The following SLC24A3 variants were observed in gnomAD, a reference collection of about 807,000 sequenced individuals.
SLC24A3 encodes sodium/potassium/calcium exchanger 3.
A neutral mutation model predicts 75.8 loss-of-function variants in SLC24A3; 28 were observed. The ratio of observed to expected loss-of-function variants is 0.37; its 90% CI spans 0.27 to 0.51. The LOEUF (loss-of-function observed/expected upper bound fraction) is 0.51, where lower values mean the gene tolerates loss of function less well. Among genes scored for constraint, SLC24A3 ranks in the 20% least tolerant of loss-of-function variants. The pLI is 0.94. For missense variants in SLC24A3, 663 were observed against 847.8 expected, an observed-to-expected ratio of 0.78 and a Z score of 2.71; for synonymous variants, 372 against 334.1, an observed-to-expected ratio of 1.11 and a Z score of -1.24.
At chr20:19,554,697 C>T (rs1400962570) in intron 3 of SLC24A3, among the ~76,000 whole-genome samples, 2 of 152,190 alleles carry the variant, frequency 1.3e-5, no homozygotes, top group African/African-American at 4.8e-5. Context: ...CCTTCCTTTC[C>T]CCCACCCAGA....
chr20:19,596,607 C>T (rs1568667567), intron 6 of SLC24A3, among the ~76,000 whole-genome samples: 1 of 152,144 alleles, frequency 6.6e-6, no homozygotes, highest in Non-Finnish European at 1.5e-5. Context: ...CCTGCCCAAC[C>T]TCCTGAGCCG....
chr20:19,593,988 G>A (rs1172377596), intron 6 of SLC24A3, among the ~76,000 whole-genome samples: 1 of 152,136 alleles, frequency 6.6e-6, no homozygotes, highest in East Asian at 1.9e-4. Context: ...CCTAGCCTTA[G>A]CACAGAGACC....
At chr20:19,570,989 A>G (rs1038729262) in intron 3 of SLC24A3, among the ~76,000 whole-genome samples, 2 of 152,154 alleles carry the variant, frequency 1.3e-5, no homozygotes, top group Non-Finnish European at 2.9e-5. Flanking sequence ...GGTAGAGGTT[A>G]GAGCTGTAGA....
At chr20:19,352,667 C>T (rs930985783) in intron 2 of SLC24A3, among the ~76,000 whole-genome samples, 5 of 152,166 alleles carry the variant, frequency 3.3e-5, no homozygotes, top group African/African-American at 7.2e-5. Flanking sequence ...AGCCCAAGTC[C>T]GCATTGAACC....
Position 19,245,876 on chromosome 20 carries a change from A to T in SLC24A3, c.142+32892A>T, listed in dbSNP as rs1007241141. ...TATAAGAAGAAACAACAAATTTTTT[A>T]AAATGACAAATTTATAATCAGATTG... On this transcript the variant is annotated intron_variant, in intron 1 of 16. Coordinates refer to ENST00000328041, the MANE Select transcript of SLC24A3 (RefSeq NM_020689.4). Among the ~76,000 whole-genome samples, 87 of 152,296 alleles carry T rather than the reference A, an allele frequency of 5.7e-4. 1 individual carries two copies. Among genetic ancestry groups the T allele is most frequent in the Non-Finnish European group, 1.1e-3 (74 of 67,990 alleles).
intron 6 of SLC24A3, among the ~76,000 whole-genome samples, chr20:19,640,992 CATAT>C (rs1255076572): frequency 1.3e-5 from 2 of 152,096 alleles, no homozygotes; most frequent in Non-Finnish European, 2.9e-5. Flanking sequence ...TGAAGGAAAA[CATAT>C]TTAAATTTTC....
At chr20:19,496,786 CT>C (rs1332884766) in intron 2 of SLC24A3, among the ~76,000 whole-genome samples, 2 of 152,094 alleles carry the variant, frequency 1.3e-5, no homozygotes, top group Non-Finnish European at 2.9e-5. Flanking sequence ...TGTAGAAGCA[CT>C]CTGGGAGCTG....
At chr20:19,654,809 G>A (rs1292582605) in intron 7 of SLC24A3, among the ~76,000 whole-genome samples, 1 of 151,872 alleles carries the variant, frequency 6.6e-6, no homozygotes, top group Non-Finnish European at 1.5e-5. Flanking sequence ...CACCACGGCT[G>A]GCTAATTTTT....
chr20:19,301,947 C>T (rs2122247100), intron 2 of SLC24A3, among the ~76,000 whole-genome samples: 1 of 152,370 alleles, frequency 6.6e-6, no homozygotes, highest in Admixed American at 6.5e-5. Flanking sequence ...CCTGCATTCT[C>T]TCAAGGGACA....
intron 15 of SLC24A3, among the ~76,000 whole-genome samples, chr20:19,704,900 G>C (rs2032912321): frequency 6.6e-6 from 1 of 152,080 alleles, no homozygotes; most frequent in African/African-American, 2.4e-5. Context: ...ATAGTTCTTA[G>C]CTCAGTTCTG....
intron 2 of SLC24A3, among the ~76,000 whole-genome samples, chr20:19,462,080 TG>T (rs1987686861): frequency 6.6e-6 from 1 of 152,160 alleles, no homozygotes; most frequent in African/African-American, 2.4e-5. Flanking sequence ...ATCCTGTACA[TG>T]GGTAAGTGCA....
chr20:19,419,275 C>T (rs555820586), intron 2 of SLC24A3, among the ~76,000 whole-genome samples: 22 of 152,262 alleles, frequency 1.4e-4, no homozygotes, highest in African/African-American at 5.1e-4. Context: ...GACATTTGTG[C>T]TTCCTGGTGG....
chr20:19,300,554 T>A (rs150983809), intron 2 of SLC24A3, among the ~76,000 whole-genome samples: 1 of 152,234 alleles, frequency 6.6e-6, no homozygotes, highest in Non-Finnish European at 1.5e-5. Context: ...GTGCTGCCAG[T>A]GTGGTCTGGT....
At chr20:19,504,964 G>C (rs1369354000) in intron 2 of SLC24A3, among the ~76,000 whole-genome samples, 1 of 152,218 alleles carries the variant, frequency 6.6e-6, no homozygotes, top group Admixed American at 6.5e-5. Context: ...TTCTACAGTA[G>C]CTGCTGGCTC....
rs57169075 is a variant in SLC24A3, at chr20:19,369,366, G to A, written c.271+88279G>A. 2.7e-3 allele frequency among the ~76,000 whole-genome samples: 411 copies of A among 152,224 alleles called. 4 individuals carry two copies. The highest frequency in any genetic ancestry group is 9.6e-3 in the African/African-American group (400 of 41,524). On this transcript the variant is annotated intron_variant, in intron 2 of 16. Coordinates refer to ENST00000328041, the MANE Select transcript of SLC24A3 (RefSeq NM_020689.4). ...CTGAGGGGCATTCTACAAAATAACT[G>A]GTCTGTAGTCTTCCAAAATGTCAAG... is the stretch of plus-strand genomic sequence containing the variant.
intron 7 of SLC24A3, among the ~76,000 whole-genome samples, chr20:19,665,278 C>G (rs908988507): frequency 6.6e-6 from 1 of 152,056 alleles, no homozygotes; most frequent in Non-Finnish European, 1.5e-5. Flanking sequence ...TGTTAATGCA[C>G]TTATTTTTCG....
chr20:19,337,709 T>C (rs2207090), intron 2 of SLC24A3, among the ~76,000 whole-genome samples: 15,918 of 152,172 alleles, frequency 0.1, 2,193 homozygotes, highest in African/African-American at 0.32. Flanking sequence ...TACTATGGCT[T>C]ATGAGTCCAT....
At chr20:19,387,667 T>C (rs1015019046) in intron 2 of SLC24A3, among the ~76,000 whole-genome samples, 1 of 152,224 alleles carries the variant, frequency 6.6e-6, no homozygotes, top group Non-Finnish European at 1.5e-5. Flanking sequence ...TTTCATACCA[T>C]TGTGGTTGGA....
At chr20:19,625,228 T>C (rs2122680457) in intron 6 of SLC24A3, among the ~76,000 whole-genome samples, 1 of 152,328 alleles carries the variant, frequency 6.6e-6, no homozygotes, top group South Asian at 2.1e-4. Flanking sequence ...GATGGAATGA[T>C]GATCAAAGAA....
Sources: gnomAD v4.1 joint callset for allele counts (sites outside exome capture counted in the v4.1 genomes callset) on GRCh38, gnomAD v4.1.1 for gene constraint, MANE v1.5 for transcripts, NCBI Gene and HGNC (gene_info 2026-07-23, HGNC 2026-07-21) for gene names.